Variants in NUBPL observed in about 807,000 individuals in gnomAD.
The protein encoded by NUBPL is iron-sulfur cluster transfer protein NUBPL.
NUBPL carries 31 observed loss-of-function variants against 45.7 expected under a neutral mutation model. The ratio of observed to expected loss-of-function variants is 0.68; its 90% CI spans 0.51 to 0.92. The LOEUF (loss-of-function observed/expected upper bound fraction) is 0.92. Among genes scored for constraint, NUBPL ranks in the 40% least tolerant of loss-of-function variants. The pLI is 0.00. For synonymous variants in NUBPL, 144 were observed against 140.9 expected (o/e 1.02, Z -0.15); for missense variants, 401 against 398.7 (o/e 1.01, Z -0.05).
intron 3 of NUBPL, among the ~76,000 whole-genome samples, chr14:31,594,874 T>A (rs551160760): frequency 2.8e-4 from 43 of 152,166 alleles, no homozygotes; most frequent in Admixed American, 1.1e-3. Flanking sequence ...GAATATAATA[T>A]ACAGGGAATC....
chr14:31,771,815 G>A (rs2039014375), intron 6 of NUBPL: 2 of 973,704 alleles, frequency 2.1e-6, no homozygotes, highest in South Asian at 9.5e-5. Flanking sequence ...CCATTTACCA[G>A]CCCATTTCCA....
chr14:31,692,519 A>C (rs985127082), intron 6 of NUBPL, among the ~76,000 whole-genome samples: 6 of 152,232 alleles, frequency 3.9e-5, no homozygotes, highest in African/African-American at 1.4e-4. Flanking sequence ...CTTTTAGTTC[A>C]ATCTTCAGTA....
chr14:31,660,485 T>C (rs997910757), intron 4 of NUBPL, among the ~76,000 whole-genome samples: 1 of 152,168 alleles, frequency 6.6e-6, no homozygotes, highest in African/African-American at 2.4e-5. Flanking sequence ...TGGATGCCCT[T>C]TCCTTTCTGA....
chr14:31,789,985 C>T (rs1306596013), intron 7 of NUBPL, among the ~76,000 whole-genome samples: 1 of 149,514 alleles, frequency 6.7e-6, no homozygotes, highest in Non-Finnish European at 1.5e-5. Flanking sequence ...AGAATATTTA[C>T]CAAATGTTCA....
chr14:31,606,584 G>A (rs944638061), intron 4 of NUBPL, among the ~76,000 whole-genome samples: 16 of 152,260 alleles, frequency 1.1e-4, no homozygotes, highest in East Asian at 3.9e-4. Flanking sequence ...TTTGCTGCTC[G>A]GCTTGTGGAT....
At chr14:31,726,425 AAAAT>A (rs1244756409) in intron 6 of NUBPL, among the ~76,000 whole-genome samples, 4 of 152,242 alleles carry the variant, frequency 2.6e-5, no homozygotes, top group African/African-American at 9.6e-5. Flanking sequence ...TTGGCTCATA[AAAAT>A]AAATATATTT....
At chr14:31,658,000 T>C (rs2036180709) in intron 4 of NUBPL, among the ~76,000 whole-genome samples, 1 of 152,142 alleles carries the variant, frequency 6.6e-6, no homozygotes, top group African/African-American at 2.4e-5. Flanking sequence ...ATAACAGAAA[T>C]CTACCTAAAA....
In NUBPL at chr14:31,803,122, C is replaced by T. The variant is rs566134049; in HGVS notation, c.607+15249C>T. Among the ~76,000 whole-genome samples the T allele has an allele frequency of 5.3e-5, 8 of 152,228 alleles. No homozygotes were observed. In the East Asian group the frequency reaches 1.5e-3, roughly 29 times the overall value. ...GACAATGGTTTCTGTAATGAAGAAA[C>T]CTATTGGGGATTGGAGGATCAGACA... On this transcript the variant is annotated intron_variant, in intron 7 of 10. Coordinates refer to ENST00000281081, the MANE Select transcript of NUBPL (RefSeq NM_025152.3).
At chr14:31,669,803 T>G (rs976034126) in intron 4 of NUBPL, among the ~76,000 whole-genome samples, 3 of 60,388 alleles carry the variant, frequency 5.0e-5, no homozygotes, top group African/African-American at 2.3e-4. Context: ...CTTGGTTTTT[T>G]TTTTTGTTTT....
intron 3 of NUBPL, among the ~76,000 whole-genome samples, chr14:31,578,601 T>G (rs1027773682): frequency 1.8e-4 from 27 of 152,358 alleles, no homozygotes; most frequent in African/African-American, 6.0e-4. Context: ...ATTATAAGCT[T>G]GAAACTCTCA....
intron 4 of NUBPL, among the ~76,000 whole-genome samples, chr14:31,663,188 T>C (rs190132768): frequency 6.6e-6 from 1 of 152,346 alleles, no homozygotes; most frequent in Admixed American, 6.5e-5. Context: ...TTCTGTAGGT[T>C]GCCTGTTCAC....
At chr14:31,760,775 A>G (rs1171427744) in intron 6 of NUBPL, among the ~76,000 whole-genome samples, 1 of 151,486 alleles carries the variant, frequency 6.6e-6, no homozygotes, top group Non-Finnish European at 1.5e-5. Context: ...TTAAAAAATT[A>G]CAGTTTACAG....
At chr14:31,589,251 T>C (rs1368812482) in intron 3 of NUBPL, among the ~76,000 whole-genome samples, 1 of 152,088 alleles carries the variant, frequency 6.6e-6, no homozygotes, top group Non-Finnish European at 1.5e-5. Flanking sequence ...TTTTTCTTAG[T>C]TTTTGAACTT....
chr14:31,837,614 T>A (rs2040302520), intron 8 of NUBPL, among the ~76,000 whole-genome samples: 1 of 152,130 alleles, frequency 6.6e-6, no homozygotes, highest in Non-Finnish European at 1.5e-5. Context: ...CATTTCAACA[T>A]GAAAACCACA....
chr14:31,599,408 T>TAATAG (rs1347555036), intron 4 of NUBPL, 29 bp downstream of exon 4: 1 of 1,470,008 alleles, frequency 6.8e-7, no homozygotes, highest in East Asian at 2.3e-5. Context: ...AATATTATAA[T>TAATAG]AATAGTTGCA....
chr14:31,757,408 C>G (rs912659585), intron 6 of NUBPL, among the ~76,000 whole-genome samples: 1 of 151,682 alleles, frequency 6.6e-6, no homozygotes, highest in Non-Finnish European at 1.5e-5. Context: ...AGAGATTCAA[C>G]TTCTTCCTGG....
intron 6 of NUBPL, among the ~76,000 whole-genome samples, chr14:31,732,609 CTTTTT>C (rs71986817): frequency 3.7e-5 from 3 of 81,042 alleles, no homozygotes; most frequent in South Asian, 1.0e-3. Context: ...AATTTGTTCT[CTTTTT>C]TTTTTTTTTT....
At chr14:31,641,020 C>T (rs2035680020) in intron 4 of NUBPL, among the ~76,000 whole-genome samples, 1 of 152,022 alleles carries the variant, frequency 6.6e-6, no homozygotes, top group South Asian at 2.1e-4. Flanking sequence ...GACACGATCT[C>T]AGCTCACTGC....
chr14:31,813,934 T>C (rs111893052), intron 7 of NUBPL, among the ~76,000 whole-genome samples: 11,322 of 152,314 alleles, frequency 0.074, 478 homozygotes, highest in Non-Finnish European at 0.092. Context: ...CAGTCCATCA[T>C]TGATGGGCAT....
Sources: allele counts gnomAD v4.1 joint callset (sites outside exome capture counted in the v4.1 genomes callset), GRCh38; gene constraint gnomAD v4.1.1; transcripts MANE v1.5; gene names NCBI Gene and HGNC (gene_info 2026-07-23, HGNC 2026-07-21).